SH3BP5: variants seen among roughly 807,000 people sequenced by gnomAD.
SH3BP5 encodes SH3 domain-binding protein 5.
A neutral mutation model predicts 43.3 loss-of-function variants in SH3BP5; 22 were observed. The ratio of observed to expected loss-of-function variants is 0.51; its 90% CI spans 0.36 to 0.73. SH3BP5 has a LOEUF of 0.73. Ranked by LOEUF, SH3BP5 falls within the 30% of genes least tolerant of loss-of-function variation. The pLI is 0.00. For missense variants in SH3BP5, 529 were observed against 586.9 expected (o/e 0.90, Z 1.02); for synonymous variants, 255 against 225.8 (o/e 1.13, Z -1.16).
intron 2 of SH3BP5, among the ~76,000 whole-genome samples, chr3:15,323,964 C>T (rs1490080001): frequency 6.6e-6 from 1 of 152,222 alleles, no homozygotes; most frequent in African/African-American, 2.4e-5. Context: ...GGGGGGACCA[C>T]TGAAGCCCAA....
rs1245016779 is a variant in SH3BP5, at chr3:15,254,928, C to T, written c.*1158G>A. 1.3e-5 allele frequency: 2 copies of T among 152,072 alleles called. No homozygotes were observed. Among genetic ancestry groups the T allele is most frequent in the Non-Finnish European group, 2.9e-5 (2 of 68,012 alleles). 9.4% of individuals were successfully genotyped at this position (152,072 alleles called of 1,614,324 possible). ...TAACCTTGTAATTAAGATACTGTAT[C>T]AGTCAAAAAAGAAGTCACTATTGTA... On this transcript the variant is annotated 3_prime_UTR_variant, in exon 9 of 9. Coordinates refer to ENST00000383791, the MANE Select transcript of SH3BP5 (RefSeq NM_004844.5).
At chr3:15,302,029 C>T (rs1481745599) in intron 3 of SH3BP5, among the ~76,000 whole-genome samples, 4 of 152,146 alleles carry the variant, frequency 2.6e-5, no homozygotes, top group Non-Finnish European at 5.9e-5. Context: ...GTGTTAAAGA[C>T]TTTCAGGAAA....
intron 3 of SH3BP5, among the ~76,000 whole-genome samples, chr3:15,299,666 A>AT (rs1294571441): frequency 6.6e-6 from 1 of 151,478 alleles, no homozygotes; most frequent in Non-Finnish European, 1.5e-5. Flanking sequence ...CTAATTTTAA[A>AT]TTTTTTTTAT....
At chr3:15,333,147 A>T, upstream of SH3BP5, 1 of 985,348 alleles carries the variant, frequency 1.0e-6, no homozygotes, top group East Asian at 1.1e-4. Flanking sequence ...TGGCAAGTGT[A>T]ACCCCTGTTG....
chr3:15,267,715 G>C (rs1187503921), intron 4 of SH3BP5, among the ~76,000 whole-genome samples: 2 of 152,186 alleles, frequency 1.3e-5, no homozygotes, highest in East Asian at 3.9e-4. Context: ...TATTCCCAAA[G>C]TCTGTGGTAT....
intron 6 of SH3BP5, 147 bp downstream of exon 6, chr3:15,259,614 A>G (rs1696356663): frequency 1.2e-6 from 1 of 821,788 alleles, no homozygotes; most frequent in Non-Finnish European, 2.2e-6. Context: ...CAACCGAGAC[A>G]ATTTTGAGGT....
chr3:15,326,001 A>G (rs941721612), intron 2 of SH3BP5, among the ~76,000 whole-genome samples: 2 of 152,206 alleles, frequency 1.3e-5, no homozygotes, highest in African/African-American at 4.8e-5. Context: ...CCTGAGTGAC[A>G]GAGCAAGACC....
chr3:15,336,444 C>T (rs953934540), upstream of SH3BP5, among the ~76,000 whole-genome samples: 1 of 152,066 alleles, frequency 6.6e-6, no homozygotes, highest in Non-Finnish European at 1.5e-5. Context: ...ACTCGGTGGA[C>T]ATTGAGGAGC....
intron 3 of SH3BP5, among the ~76,000 whole-genome samples, chr3:15,301,981 C>T (rs528514401): frequency 1.3e-5 from 2 of 152,112 alleles, no homozygotes; most frequent in African/African-American, 4.8e-5. Context: ...TTAATAGATA[C>T]GCGTGGGCTA....
intron 7 of SH3BP5, chr3:15,258,125 G>C (rs1007908617): frequency 1.3e-5 from 2 of 152,202 alleles, no homozygotes; most frequent in African/African-American, 4.8e-5. Context: ...AATATTTGTT[G>C]AAGGAATTAA....
chr3:15,296,487 T>C (rs945255112), intron 3 of SH3BP5, among the ~76,000 whole-genome samples: 2 of 152,138 alleles, frequency 1.3e-5, no homozygotes, highest in Non-Finnish European at 2.9e-5. Context: ...CTCTGTTCTA[T>C]GTTTGATAGG....
chr3:15,268,942 T>C (rs551440178), intron 4 of SH3BP5, among the ~76,000 whole-genome samples: 2 of 152,278 alleles, frequency 1.3e-5, no homozygotes, highest in African/African-American at 4.8e-5. Flanking sequence ...AGACACTGAA[T>C]CTACCAATGT....
At chr3:15,285,506 G>A (rs1697240845) in intron 3 of SH3BP5, among the ~76,000 whole-genome samples, 1 of 152,198 alleles carries the variant, frequency 6.6e-6, no homozygotes, top group African/African-American at 2.4e-5. Flanking sequence ...ATAGGACCAA[G>A]TTTCTGTACT....
At position 15,265,512 on chromosome 3, in the gene SH3BP5, T is replaced by TCTCACTCACACACACA. The variant is rs1318765546; in HGVS notation, c.496-3224_496-3223insTGTGTGTGTGAGTGAG. On this transcript the variant is annotated intron_variant, in intron 4 of 8. Coordinates refer to ENST00000383791, the MANE Select transcript of SH3BP5 (RefSeq NM_004844.5). ...GCCTGAGCTACAGGGCGAGACTCCG[T>TCTCACTCACACACACA]CACACACACACACACACACACACAC... 3.6e-3 allele frequency among the ~76,000 whole-genome samples: 391 copies of TCTCACTCACACACACA among 107,992 alleles called. 6 individuals carry two copies. The highest frequency in any genetic ancestry group is 0.015 in the African/African-American group (364 of 24,120). The allele number at this position is 107,992 out of a possible 152,430, so 70.8% of individuals were successfully genotyped here.
chr3:15,294,320 T>C (rs939059154), intron 3 of SH3BP5, among the ~76,000 whole-genome samples: 20 of 143,796 alleles, frequency 1.4e-4, no homozygotes, highest in Admixed American at 9.5e-4. Flanking sequence ...TGTGTGTGTG[T>C]GTGTGTGTGT....
At chr3:15,331,726 T>A (rs1698614230) in intron 1 of SH3BP5, 1 of 152,460 alleles carries the variant, frequency 6.6e-6, no homozygotes, top group Non-Finnish European at 1.5e-5. Flanking sequence ...GTGATGACAA[T>A]AAGCCGCTCA....
At chr3:15,274,492 TG>T (rs1037728689) in intron 3 of SH3BP5, among the ~76,000 whole-genome samples, 13 of 152,026 alleles carry the variant, frequency 8.6e-5, no homozygotes, top group African/African-American at 3.1e-4. Context: ...ACTTTTTTTT[TG>T]TTGGTTGGTT....
At chr3:15,258,078 A>G (rs1696288711) in intron 7 of SH3BP5, 2 of 152,208 alleles carry the variant, frequency 1.3e-5, no homozygotes, top group Non-Finnish European at 2.9e-5. Context: ...TGTTCAAATG[A>G]TAGTTTCCTT....
At chr3:15,327,217 T>C (rs1698486712) in intron 2 of SH3BP5, among the ~76,000 whole-genome samples, 1 of 151,652 alleles carries the variant, frequency 6.6e-6, no homozygotes, top group Non-Finnish European at 1.5e-5. Flanking sequence ...CTGGCCAACA[T>C]GGTGAAACCC....
Sources: gnomAD v4.1 joint callset for allele counts (sites outside exome capture counted in the v4.1 genomes callset) on GRCh38, gnomAD v4.1.1 for gene constraint, MANE v1.5 for transcripts, NCBI Gene and HGNC (gene_info 2026-07-23, HGNC 2026-07-21) for gene names.